Variants in TBL1X observed in about 807,000 individuals in gnomAD.
The protein encoded by TBL1X is F-box-like/WD repeat-containing protein TBL1X.
In TBL1X, 10 loss-of-function variants were observed where a neutral mutation model predicts 50.7. That is an observed-to-expected ratio of 0.20 (90% CI 0.12 to 0.33). The LOEUF is 0.33. Among genes scored for constraint, TBL1X ranks in the 10% least tolerant of loss-of-function variants. The pLI is 1.00. For missense variants in TBL1X, 340 were observed against 504.4 expected, an observed-to-expected ratio of 0.67 and a Z score of 3.12; for synonymous variants, 190 against 214.7, an observed-to-expected ratio of 0.88 and a Z score of 1.01.
chrX:9,666,240 T>G lies in TBL1X; in HGVS notation c.211+11918T>G, dbSNP rs1325668979. On this transcript the variant is annotated intron_variant, in intron 5 of 17. Transcript: ENST00000645353. ...ATTAGGCCCTAGAAACTACATGCTC[T>G]CCTGGCTCTGTTTCTATAAGGGCTC... Among the ~76,000 whole-genome samples, 5 of 111,768 alleles carry G rather than the reference T, an allele frequency of 4.5e-5. No individual in the cohort carries two copies. The East Asian group carries it at 1.4e-3, about 31-fold the overall frequency.
chrX:9,532,526 C>T (rs1239053345), intron 2 of TBL1X, among the ~76,000 whole-genome samples: 2 of 111,446 alleles, frequency 1.8e-5, no homozygotes, highest in African/African-American at 6.5e-5. Flanking sequence ...ACGCCTCCCA[C>T]GGGCCTGGCA....
Position 9,473,205 on chromosome X carries a change from G to T in TBL1X, c.-201+7758G>T, listed in dbSNP as rs960529027. 1.0e-3 allele frequency among the ~76,000 whole-genome samples: 117 copies of T among 111,674 alleles called. No individual in the cohort carries two copies. The Middle Eastern group carries it at 0.014, about 13-fold the overall frequency. ...GTTTCAGATTGTATTTCCCGAAAGC[G>T]TAGAGAATTGATATCCCTGAATAGG... On this transcript the variant is annotated intron_variant, in intron 1 of 17. Coordinates refer to ENST00000645353, the MANE Select transcript of TBL1X (RefSeq NM_005647.4).
intron 1 of TBL1X, among the ~76,000 whole-genome samples, chrX:9,494,382 A>G (rs1011857543): frequency 1.8e-5 from 2 of 111,498 alleles, no homozygotes; most frequent in African/African-American, 6.5e-5. Flanking sequence ...AGACCCTATC[A>G]GAGAAAATCA....
intron 2 of TBL1X, among the ~76,000 whole-genome samples, chrX:9,609,252 T>C (rs766341952): frequency 9.0e-6 from 1 of 111,187 alleles, no homozygotes; most frequent in African/African-American, 3.3e-5. Flanking sequence ...TTTTTAAAAA[T>C]AAAAGTAAGC....
At chrX:9,620,600 A>G (rs145338022) in intron 2 of TBL1X, among the ~76,000 whole-genome samples, 2,669 of 112,231 alleles carry the variant, frequency 0.024, 34 homozygotes, top group South Asian at 0.035. Context: ...TGCAGCCGGA[A>G]GAGCCAGGAG....
At chrX:9,616,447 C>T (rs1193060464) in intron 2 of TBL1X, among the ~76,000 whole-genome samples, 1 of 111,319 alleles carries the variant, frequency 9.0e-6, no homozygotes, top group Admixed American at 9.5e-5. Flanking sequence ...AATTAAAAGA[C>T]AGTACAGAGA....
intron 5 of TBL1X, among the ~76,000 whole-genome samples, chrX:9,672,578 C>G (rs41366149): frequency 0.021 from 2,374 of 111,064 alleles, 75 homozygotes; most frequent in African/African-American, 0.074. Flanking sequence ...TAATATGTCA[C>G]TCTCTTCCTC....
intron 1 of TBL1X, among the ~76,000 whole-genome samples, chrX:9,466,353 C>G (rs773860433): frequency 8.9e-6 from 1 of 112,407 alleles, no homozygotes; most frequent in South Asian, 3.7e-4. Flanking sequence ...GGGATAGGGC[C>G]TGGACTTCAC....
chrX:9,496,009 C>T (rs764099014), intron 1 of TBL1X, among the ~76,000 whole-genome samples: 3 of 112,300 alleles, frequency 2.7e-5, no homozygotes, highest in African/African-American at 6.5e-5. Flanking sequence ...TTCACAGACA[C>T]GGAATCCGTA....
chrX:9,514,871 A>G (rs752249945), intron 2 of TBL1X, among the ~76,000 whole-genome samples: 2 of 112,522 alleles, frequency 1.8e-5, no homozygotes, highest in South Asian at 7.5e-4. Context: ...AGAAGAGTTT[A>G]TAATGAGATG....
intron 5 of TBL1X, among the ~76,000 whole-genome samples, chrX:9,667,260 C>T (rs1309517689): frequency 9.0e-6 from 1 of 111,469 alleles, no homozygotes; most frequent in East Asian, 2.8e-4. Context: ...GACTCCGTTC[C>T]CCCCTACCCC....
intron 17 of TBL1X, 81 bp from the exon 18 acceptor site, chrX:9,716,139 G>C (rs1222886550): frequency 2.9e-6 from 3 of 1,045,847 alleles, no homozygotes; most frequent in South Asian, 3.9e-5. Context: ...GGGCGTGGGG[G>C]CCGTAGCTTG....
At chrX:9,468,646 A>T (rs1379710136) in intron 1 of TBL1X, among the ~76,000 whole-genome samples, 2 of 110,718 alleles carry the variant, frequency 1.8e-5, no homozygotes, top group African/African-American at 6.6e-5. Context: ...GTTTGCAGCT[A>T]GCTTGCCGTG....
chrX:9,527,348 G>T lies in TBL1X; in HGVS notation c.-131+25499G>T, dbSNP rs528913061. ...ATTCCTTTGAGGAAAATTCCTATAG[G>T]GGTCTCGTCTCTGTTGTATTTATTG... On this transcript the variant is annotated intron_variant, in intron 2 of 17. Coordinates refer to ENST00000645353, the MANE Select transcript of TBL1X (RefSeq NM_005647.4). Among the ~76,000 whole-genome samples the T allele has an allele frequency of 1.3e-4, 14 of 111,693 alleles. No homozygotes were observed. In the South Asian group the frequency reaches 5.2e-3, roughly 42 times the overall value.
chrX:9,621,979 T>A (rs1178114796), intron 2 of TBL1X, among the ~76,000 whole-genome samples: 1 of 112,151 alleles, frequency 8.9e-6, no homozygotes, highest in East Asian at 2.8e-4. Context: ...CCTGTACATT[T>A]TTAATTTTAG....
intron 1 of TBL1X, among the ~76,000 whole-genome samples, chrX:9,485,533 G>C (rs1276594449): frequency 8.9e-6 from 1 of 111,737 alleles, no homozygotes; most frequent in Non-Finnish European, 1.9e-5. Context: ...CCCCAAATGG[G>C]AGTCTGCCCT....
intron 13 of TBL1X, among the ~76,000 whole-genome samples, chrX:9,706,711 A>G (rs1440610509): frequency 9.0e-6 from 1 of 111,553 alleles, no homozygotes; most frequent in East Asian, 2.8e-4. Flanking sequence ...AACCTTCTGC[A>G]ATCTCCAGTC....
rs182898941 is a variant in TBL1X, at chrX:9,606,097, C to T, written c.-130-34176C>T. Among the ~76,000 whole-genome samples the T allele has an allele frequency of 6.8e-3, 756 of 111,863 alleles. 2 individuals are homozygous for T. Among genetic ancestry groups the T allele is most frequent in the Middle Eastern group, 0.037 (8 of 219 alleles). On this transcript the variant is annotated intron_variant, in intron 2 of 17. Transcript: ENST00000645353. ...GCCTGCGCTGCAGCCTTTGAGACCT[C>T]GTGTGGGGCTGGGGGGTCAGTTCCA...
chrX:9,482,764 T>C (rs962407651), intron 1 of TBL1X, among the ~76,000 whole-genome samples: 2 of 110,877 alleles, frequency 1.8e-5, no homozygotes, highest in Non-Finnish European at 3.8e-5. Context: ...AAAGGGGGTA[T>C]TGAAACCACC....
Sources: gnomAD v4.1 joint callset for allele counts (sites outside exome capture counted in the v4.1 genomes callset) on GRCh38, gnomAD v4.1.1 for gene constraint, MANE v1.5 for transcripts, NCBI Gene and HGNC (gene_info 2026-07-23, HGNC 2026-07-21) for gene names.